FBXL20: variants seen among roughly 807,000 people sequenced by gnomAD.
The protein encoded by FBXL20 is F-box and leucine rich repeat protein 20.
Under a neutral mutation model 64.0 loss-of-function variants are expected in FBXL20, and 11 were observed. That is an observed-to-expected ratio of 0.17 (90% CI 0.11 to 0.28). The LOEUF (loss-of-function observed/expected upper bound fraction) is 0.28, where lower values mean the gene tolerates loss of function less well. Ranked by LOEUF, FBXL20 falls within the 10% of genes least tolerant of loss-of-function variation. The pLI is 1.00. For missense variants in FBXL20, 303 were observed against 526.2 expected (o/e 0.58, Z 4.15); for synonymous variants, 184 against 189.0 (o/e 0.97, Z 0.22).
At chr17:39,389,869 T>C (rs1023584495) in intron 1 of FBXL20, among the ~76,000 whole-genome samples, 5 of 152,186 alleles carry the variant, frequency 3.3e-5, no homozygotes, top group African/African-American at 4.8e-5. Context: ...TGTTTAATCA[T>C]GTCATAGCTT....
intron 1 of FBXL20, among the ~76,000 whole-genome samples, chr17:39,346,435 A>C (rs993557178): frequency 1.8e-4 from 27 of 152,146 alleles, no homozygotes; most frequent in Non-Finnish European, 2.8e-4. Context: ...GAAATGCGAA[A>C]CACCACCACA....
At chr17:39,347,498 G>T (rs929553368) in intron 1 of FBXL20, among the ~76,000 whole-genome samples, 8 of 152,190 alleles carry the variant, frequency 5.3e-5, no homozygotes, top group Non-Finnish European at 8.8e-5. Context: ...CTTTTGAGAA[G>T]TGTCTGTTCA....
intron 1 of FBXL20, among the ~76,000 whole-genome samples, chr17:39,363,822 A>AAC (rs1555612717): frequency 3.8e-4 from 40 of 105,210 alleles, no homozygotes; most frequent in Admixed American, 1.0e-3. Context: ...AAAAAAAAAA[A>AAC]AAAACAAAAA....
intron 1 of FBXL20, among the ~76,000 whole-genome samples, chr17:39,344,644 G>A (rs1327238709): frequency 2.0e-5 from 3 of 151,814 alleles, no homozygotes; most frequent in Non-Finnish European, 4.4e-5. Flanking sequence ...AAAAAAGTAC[G>A]CAGGTGTGGT....
chr17:39,278,166 GAC>G (rs1434780287), intron 9 of FBXL20, among the ~76,000 whole-genome samples: 1 of 152,082 alleles, frequency 6.6e-6, no homozygotes, highest in African/African-American at 2.4e-5. Context: ...TTTGTTTTGA[GAC>G]AGAGTCTCGC....
At chr17:39,290,341 C>T (rs2144411652) in intron 6 of FBXL20, among the ~76,000 whole-genome samples, 1 of 152,010 alleles carries the variant, frequency 6.6e-6, no homozygotes, top group African/African-American at 2.4e-5. Context: ...CCTATGAATC[C>T]AATTATACCA....
At chr17:39,271,239 G>A (rs1280757702) in intron 10 of FBXL20, among the ~76,000 whole-genome samples, 1 of 152,134 alleles carries the variant, frequency 6.6e-6, no homozygotes, top group Non-Finnish European at 1.5e-5. Flanking sequence ...TTAATCTCTT[G>A]CTGAAATGAA....
At chr17:39,268,713 T>G (rs978330078) in intron 12 of FBXL20, 114 bp downstream of exon 12, 1 of 803,194 alleles carries the variant, frequency 1.2e-6, no homozygotes, top group Non-Finnish European at 2.0e-6. Context: ...GAATCTGCAA[T>G]GCTGTCAGGC....
intron 2 of FBXL20, among the ~76,000 whole-genome samples, chr17:39,334,180 G>A (rs535821497): frequency 2.0e-5 from 3 of 152,044 alleles, no homozygotes; most frequent in East Asian, 3.9e-4. Context: ...CCCCAACCCC[G>A]TGCTCTCTGA....
intron 2 of FBXL20, among the ~76,000 whole-genome samples, chr17:39,320,721 A>G (rs1252839103): frequency 6.6e-6 from 1 of 151,774 alleles, no homozygotes; most frequent in Non-Finnish European, 1.5e-5. Flanking sequence ...CAGCCTCCCA[A>G]GCAGCTGGGA....
intron 6 of FBXL20, among the ~76,000 whole-genome samples, chr17:39,290,454 G>A (rs2047027857): frequency 6.6e-6 from 1 of 152,094 alleles, no homozygotes; most frequent in Non-Finnish European, 1.5e-5. Flanking sequence ...CCTTGTTCCT[G>A]ATGTTAGGGA....
At chr17:39,289,601 G>A (rs372488040) in intron 6 of FBXL20, among the ~76,000 whole-genome samples, 4 of 151,932 alleles carry the variant, frequency 2.6e-5, no homozygotes, top group Non-Finnish European at 4.4e-5. Flanking sequence ...AGCTGTGGTT[G>A]TGCCACCACT....
chr17:39,317,051 T>A (rs913785188), intron 2 of FBXL20, among the ~76,000 whole-genome samples: 2 of 152,208 alleles, frequency 1.3e-5, no homozygotes, highest in African/African-American at 4.8e-5. Flanking sequence ...GATAGCATAA[T>A]TTAATATCTT....
chr17:39,296,048 T>C (rs911980152), intron 6 of FBXL20, among the ~76,000 whole-genome samples: 6 of 152,238 alleles, frequency 3.9e-5, no homozygotes, highest in Middle Eastern at 6.8e-3. Context: ...GAGGATAAGA[T>C]AGATTCTGAC....
At chr17:39,289,669 A>C (rs997324698) in intron 6 of FBXL20, among the ~76,000 whole-genome samples, 17 of 151,502 alleles carry the variant, frequency 1.1e-4, no homozygotes, top group East Asian at 7.8e-4. Context: ...CAAAAAAAAA[A>C]CCCAAACTAT....
intron 1 of FBXL20, among the ~76,000 whole-genome samples, chr17:39,363,811 A>AAAAAAAAAAAAC (rs1567896923): frequency 2.7e-5 from 3 of 112,502 alleles, no homozygotes; most frequent in Non-Finnish European, 1.9e-5. Flanking sequence ...ACTTTATCTC[A>AAAAAAAAAAAAC]AAAAAAAAAA....
chr17:39,364,451 C>A (rs980554082), intron 1 of FBXL20, among the ~76,000 whole-genome samples: 7 of 151,908 alleles, frequency 4.6e-5, no homozygotes, highest in African/African-American at 1.7e-4. Flanking sequence ...TCAAAAACAA[C>A]AACAAAAATT....
chr17:39,399,792 A>C (rs969997611), intron 1 of FBXL20, among the ~76,000 whole-genome samples: 1 of 152,208 alleles, frequency 6.6e-6, no homozygotes, highest in African/African-American at 2.4e-5. Context: ...TAATTATAAA[A>C]ATACAAAATA....
chr17:39,343,102 G>T, intron 2 of FBXL20, 78 bp downstream of exon 2: 1 of 1,059,034 alleles, frequency 9.4e-7, no homozygotes, highest in Non-Finnish European at 1.4e-6. Context: ...ATGAAAATTA[G>T]CAAAAAGTTA....
Sources: gnomAD v4.1 joint callset for allele counts (sites outside exome capture counted in the v4.1 genomes callset) on GRCh38, gnomAD v4.1.1 for gene constraint, MANE v1.5 for transcripts, NCBI Gene and HGNC (gene_info 2026-07-23, HGNC 2026-07-21) for gene names.